The following PRKCI variants were observed in gnomAD, a reference collection of about 807,000 sequenced individuals.
The protein encoded by PRKCI is protein kinase C iota.
Under a neutral mutation model 84.0 loss-of-function variants are expected in PRKCI, and 43 were observed. The observed-to-expected ratio is 0.51, with a 90% confidence interval of 0.40 to 0.66. PRKCI has a LOEUF of 0.66. Ranked by LOEUF, PRKCI falls within the 30% of genes least tolerant of loss-of-function variation. The pLI is 0.00. For missense variants in PRKCI, 459 were observed against 745.6 expected (o/e 0.62, Z 4.48); for synonymous variants, 216 against 234.4 (o/e 0.92, Z 0.72).
chr3:170,230,149 T>G (rs1332743272), intron 1 of PRKCI, among the ~76,000 whole-genome samples: 1 of 151,968 alleles, frequency 6.6e-6, no homozygotes, highest in Non-Finnish European at 1.5e-5. Flanking sequence ...TATTCTATTT[T>G]TCTTCTATTA....
chr3:170,271,162 T>C lies in PRKCI; in HGVS notation c.591+601T>C, dbSNP rs538602135. Among the ~76,000 whole-genome samples, 8 of 152,304 alleles carry C rather than the reference T, an allele frequency of 5.3e-5. No homozygotes were observed. In the South Asian group the frequency reaches 1.7e-3, roughly 32 times the overall value. The stretch of plus-strand genomic sequence containing the variant: ...CCAGAACTTTTCCTGTGCAAATTTA[T>C]ATGCATAAACATTTTTAATTTTCCA... On this transcript the variant is annotated intron_variant, in intron 6 of 17. Coordinates refer to ENST00000295797, the MANE Select transcript of PRKCI (RefSeq NM_002740.6).
At chr3:170,241,611 T>C (rs1733134037) in intron 2 of PRKCI, among the ~76,000 whole-genome samples, 1 of 152,142 alleles carries the variant, frequency 6.6e-6, no homozygotes, top group Non-Finnish European at 1.5e-5. Context: ...TTAGCTATTG[T>C]GAATGATGCA....
intron 6 of PRKCI, among the ~76,000 whole-genome samples, chr3:170,272,466 A>G (rs939229773): frequency 3.3e-5 from 5 of 152,342 alleles, no homozygotes; most frequent in Admixed American, 2.0e-4. Context: ...GTAAAGGGGA[A>G]AATCCAATCT....
chr3:170,261,719 G>C (rs1483327154), intron 3 of PRKCI, among the ~76,000 whole-genome samples: 1 of 151,858 alleles, frequency 6.6e-6, no homozygotes, highest in Non-Finnish European at 1.5e-5. Context: ...CCTGACCTCA[G>C]GTGATCTGCC....
At chr3:170,263,016 A>G (rs965663387) in intron 3 of PRKCI, among the ~76,000 whole-genome samples, 4 of 151,582 alleles carry the variant, frequency 2.6e-5, no homozygotes, top group African/African-American at 9.7e-5. Flanking sequence ...TAAAAATACA[A>G]AAATTAGCCG....
intron 2 of PRKCI, among the ~76,000 whole-genome samples, chr3:170,247,455 A>T (rs971712885): frequency 2.7e-5 from 4 of 150,572 alleles, no homozygotes; most frequent in Non-Finnish European, 5.9e-5. Flanking sequence ...TTGAGGCTGG[A>T]TGCGGTGGCT....
intron 8 of PRKCI, among the ~76,000 whole-genome samples, chr3:170,277,393 C>T (rs1734141417): frequency 6.6e-6 from 1 of 152,148 alleles, no homozygotes; most frequent in African/African-American, 2.4e-5. Context: ...TACCATCTCA[C>T]ACCAGTCAGA....
rs1734929729 is a variant in PRKCI at position 170,305,311 on chromosome 3, G to A, written c.*2184G>A. The A allele has an allele frequency of 6.6e-6, 1 of 152,536 alleles. No individual in the cohort carries two copies. The highest frequency in any genetic ancestry group is 2.4e-5 in the African/African-American group (1 of 41,404). The allele number at this position is 152,536 out of a possible 1,614,324, so 9.4% of individuals were successfully genotyped here. ...CTCACTTTGAGAAATACCTTCTTCAGGTTATTCTTTATGTTTGTCCTGTGG... is the reference window on the plus strand; with the variant it reads ...CTCACTTTGAGAAATACCTTCTTCAAGTTATTCTTTATGTTTGTCCTGTGG... On this transcript the variant is annotated 3_prime_UTR_variant, in exon 18 of 18. Coordinates refer to ENST00000295797, the MANE Select transcript of PRKCI (RefSeq NM_002740.6).
chr3:170,305,122 T>G lies in PRKCI; in HGVS notation c.*1995T>G, dbSNP rs1420286589. ...TCACTTCAAATCATAAACTTAGAATTCTGTATCTCATGTCAGAAATATGTT... is the reference window on the plus strand; with the variant it reads ...TCACTTCAAATCATAAACTTAGAATGCTGTATCTCATGTCAGAAATATGTT... On this transcript the variant is annotated 3_prime_UTR_variant, in exon 18 of 18. Coordinates refer to ENST00000295797, the MANE Select transcript of PRKCI (RefSeq NM_002740.6). The G allele has an allele frequency of 6.6e-6, 1 of 152,584 alleles. No individual in the cohort carries two copies. The highest frequency in any genetic ancestry group is 2.4e-5 in the African/African-American group (1 of 41,462). 9.5% of individuals were successfully genotyped at this position (152,584 alleles called of 1,614,324 possible). A position where few individuals can be genotyped will look rare whatever the true frequency, so the allele number is the denominator to read the frequency against.
At chr3:170,245,934 G>T (rs750887168) in intron 2 of PRKCI, among the ~76,000 whole-genome samples, 110 of 119,542 alleles carry the variant, frequency 9.2e-4, no homozygotes, top group Non-Finnish European at 1.5e-3. Flanking sequence ...TTTTTTCCCT[G>T]GATGTTATGT....
At chr3:170,251,456 A>G (rs1733442188) in intron 2 of PRKCI, among the ~76,000 whole-genome samples, 1 of 152,220 alleles carries the variant, frequency 6.6e-6, no homozygotes, top group African/African-American at 2.4e-5. Flanking sequence ...AATAAATGCC[A>G]AGAAGAAATA....
intron 4 of PRKCI, among the ~76,000 whole-genome samples, chr3:170,265,045 T>G (rs990123248): frequency 5.3e-5 from 8 of 151,998 alleles, no homozygotes; most frequent in African/African-American, 1.9e-4. Context: ...AAAAGTTAGC[T>G]GGGTGTGGTG....
chr3:170,263,125 C>T (rs553383562), intron 3 of PRKCI, among the ~76,000 whole-genome samples: 1 of 150,116 alleles, frequency 6.7e-6, no homozygotes, highest in South Asian at 2.1e-4. Flanking sequence ...GTCGAGATCG[C>T]GCCACTGCAC....
Position 170,273,337 on chromosome 3 carries a change from A to G in PRKCI, c.643A>G (p.Thr215Ala), listed in dbSNP as rs766040399. 1.9e-6 allele frequency: 3 copies of G among 1,613,532 alleles called. No individual in the cohort carries two copies. Among genetic ancestry groups the G allele is most frequent in the African/African-American group, 2.7e-5 (2 of 75,030 alleles). ...ATCCATGCATTCTGACCATGCACAG[A>G]CAGGTAAGAGTGGTGCTGGCACAAC... ...QSSMHSDHAQTVIPYNPSSHE... is the reference protein window; with the variant it reads ...QSSMHSDHAQAVIPYNPSSHE... Residue 215 changes from threonine (T) to alanine (A), a missense_variant, in exon 7 of 18, where the codon ACA becomes GCA. This residue lies in a region of PRKCI where 250 missense variants were observed against 319.7 expected (regional missense o/e 0.78). Transcript: ENST00000295797.
chr3:170,290,287 A>G (rs918529069), intron 12 of PRKCI, among the ~76,000 whole-genome samples: 3 of 152,066 alleles, frequency 2.0e-5, no homozygotes, highest in African/African-American at 7.2e-5. Context: ...AGTTGTCTTT[A>G]GACTTTTTTA....
intron 2 of PRKCI, among the ~76,000 whole-genome samples, chr3:170,254,701 G>A (rs948406094): frequency 1.3e-5 from 2 of 152,110 alleles, no homozygotes; most frequent in African/African-American, 4.8e-5. Context: ...TTTTATGCCA[G>A]CACCATCCTG....
chr3:170,228,396 T>G (rs62295790), intron 1 of PRKCI, among the ~76,000 whole-genome samples: 2,593 of 152,182 alleles, frequency 0.017, 27 homozygotes, highest in Non-Finnish European at 0.027. Flanking sequence ...GCCCAGGAAT[T>G]GGAGACCAGC....
rs561899129 is a variant in PRKCI, at chr3:170,257,100, A to T, written c.224-2869A>T. 6.6e-5 allele frequency among the ~76,000 whole-genome samples: 10 copies of T among 152,268 alleles called. No homozygotes were observed. The South Asian group carries it at 2.1e-3, about 32-fold the overall frequency. ...TACTAAGGAGTTTTTATCTAGAGTT[A>T]TAGAGATTTTCTTAGAATGCTGCCA... On this transcript the variant is annotated intron_variant, in intron 2 of 17. Transcript: ENST00000295797.
intron 3 of PRKCI, among the ~76,000 whole-genome samples, chr3:170,262,165 A>G (rs1733743975): frequency 6.6e-6 from 1 of 152,224 alleles, no homozygotes; most frequent in Non-Finnish European, 1.5e-5. Flanking sequence ...TGTTATAAAA[A>G]TGGTTTTAAT....
Sources: gnomAD v4.1 joint callset for allele counts (sites outside exome capture counted in the v4.1 genomes callset) on GRCh38, gnomAD v4.1.1 for gene constraint, gnomAD v4.1.1 regional missense constraint, MANE v1.5 for transcripts, NCBI Gene and HGNC (gene_info 2026-07-23, HGNC 2026-07-21) for gene names.